The following HEATR5B variants were observed in gnomAD, a reference collection of about 807,000 sequenced individuals.
The protein encoded by HEATR5B is HEAT repeat-containing protein 5B.
In HEATR5B, 156 loss-of-function variants were observed where a neutral mutation model predicts 224.1. That is an observed-to-expected ratio of 0.70 (90% confidence interval 0.61 to 0.80). HEATR5B has a LOEUF of 0.80. Among genes scored for constraint, HEATR5B ranks in the 30% least tolerant of loss-of-function variants. The pLI is 0.00. For synonymous variants in HEATR5B, 1,027 were observed against 893.0 expected (o/e 1.15, Z -2.68); for missense variants, 2,323 against 2,535.5 (o/e 0.92, Z 1.80).
At chr2:37,083,750 A>G (rs6732075) in intron 1 of HEATR5B, among the ~76,000 whole-genome samples, 10,964 of 152,290 alleles carry the variant, frequency 0.072, 406 homozygotes, top group Non-Finnish European at 0.085. Flanking sequence ...CTATAAATGA[A>G]AAAACTGAAG....
At position 37,008,857 on chromosome 2, in the gene HEATR5B, A is replaced by G. The variant is rs753798756; in HGVS notation, c.4285-9T>C. On this transcript the variant is annotated splice_polypyrimidine_tract_variant and intron_variant, in intron 27 of 35. Transcript: ENST00000233099. ...ATAGCGACCACATATACCTAATATG[A>G]TATTTATGAGGACAAAATAGTAAGG... The G allele has an allele frequency of 2.0e-6, 3 of 1,514,660 alleles. No individual in the cohort carries two copies. Among genetic ancestry groups the G allele is most frequent in the Middle Eastern group, 1.7e-4 (1 of 5,826 alleles). 93.8% of individuals were successfully genotyped at this position (1,514,660 alleles called of 1,614,324 possible).
intron 3 of HEATR5B, among the ~76,000 whole-genome samples, chr2:37,078,317 A>G (rs1190522819): frequency 6.6e-6 from 1 of 152,340 alleles, no homozygotes; most frequent in East Asian, 1.9e-4. Context: ...GCTTTTTGAT[A>G]CCCTGTAGGC....
chr2:36,999,084 G>A (rs939136241), intron 33 of HEATR5B, among the ~76,000 whole-genome samples: 5 of 151,712 alleles, frequency 3.3e-5, no homozygotes, highest in Admixed American at 1.3e-4. Context: ...GTGGTGGTGC[G>A]TGCCTGTAAT....
At chr2:37,076,401 C>T (rs896449357) in intron 4 of HEATR5B, among the ~76,000 whole-genome samples, 1 of 151,982 alleles carries the variant, frequency 6.6e-6, no homozygotes, top group Non-Finnish European at 1.5e-5. Context: ...ACAAAGGAGA[C>T]AGAGATGGGA....
chr2:37,048,057 A>C (rs1355929142), intron 18 of HEATR5B, among the ~76,000 whole-genome samples: 2 of 152,244 alleles, frequency 1.3e-5, no homozygotes, highest in Non-Finnish European at 2.9e-5. Context: ...GGATTTGAAA[A>C]AGATAATGAA....
intron 12 of HEATR5B, 28 bp from the exon 13 acceptor site, chr2:37,059,015 T>A (rs747123749): frequency 7.2e-7 from 1 of 1,383,400 alleles, no homozygotes; most frequent in South Asian, 1.2e-5. Context: ...AAGGACAGAT[T>A]TGGAGTAGCT....
At chr2:37,004,299 T>C (rs1042061626) in intron 30 of HEATR5B, among the ~76,000 whole-genome samples, 1 of 151,554 alleles carries the variant, frequency 6.6e-6, no homozygotes, top group African/African-American at 2.4e-5. Flanking sequence ...TCTTTCCTTA[T>C]GTGCTCCTAT....
chr2:37,082,826 CTG>C (rs1233017030), intron 2 of HEATR5B, among the ~76,000 whole-genome samples: 1 of 152,076 alleles, frequency 6.6e-6, no homozygotes, highest in Non-Finnish European at 1.5e-5. Context: ...CTCTATATTT[CTG>C]TGTGTGTCTT....
At chr2:37,059,454 A>G (rs1446891934) in intron 12 of HEATR5B, among the ~76,000 whole-genome samples, 2 of 102,322 alleles carry the variant, frequency 2.0e-5, no homozygotes, top group African/African-American at 7.2e-5. Flanking sequence ...GTGTATATAT[A>G]TATATATATA....
intron 28 of HEATR5B, among the ~76,000 whole-genome samples, 158 bp from the exon 29 acceptor site, chr2:37,007,462 G>A (rs951692177): frequency 2.6e-4 from 39 of 147,180 alleles, no homozygotes; most frequent in Admixed American, 2.5e-3. Flanking sequence ...TCCTGCCTCA[G>A]CCTCCTCAGA....
At chr2:36,988,557 C>G in intron 35 of HEATR5B, 89 bp downstream of exon 35, 1 of 1,163,880 alleles carries the variant, frequency 8.6e-7, no homozygotes, top group Admixed American at 2.3e-5. Context: ...CCACTGCGCC[C>G]AGCAGGCCTG....
intron 2 of HEATR5B, among the ~76,000 whole-genome samples, chr2:37,079,583 CAA>C (rs1267262663): frequency 6.6e-6 from 1 of 152,124 alleles, no homozygotes; most frequent in Non-Finnish European, 1.5e-5. Flanking sequence ...GACTCTGATT[CAA>C]AAAGTTATGA....
intron 18 of HEATR5B, among the ~76,000 whole-genome samples, chr2:37,048,287 C>A (rs747121528): frequency 6.6e-6 from 1 of 151,570 alleles, no homozygotes; most frequent in African/African-American, 2.4e-5. Context: ...CAGGCTCAAG[C>A]GATCCTCCCA....
chr2:37,003,129 T>C (rs1667195401), intron 31 of HEATR5B, among the ~76,000 whole-genome samples: 1 of 151,350 alleles, frequency 6.6e-6, no homozygotes, highest in South Asian at 2.1e-4. Flanking sequence ...GTGGAGTGTG[T>C]CTGTAAACCC....
intron 6 of HEATR5B, 74 bp downstream of exon 6, chr2:37,072,036 C>T: frequency 8.3e-7 from 1 of 1,205,132 alleles, no homozygotes; most frequent in Admixed American, 2.5e-5. Context: ...AATTTAAATC[C>T]ATTACACTGA....
intron 33 of HEATR5B, among the ~76,000 whole-genome samples, chr2:36,996,479 C>G (rs1197987487): frequency 1.3e-5 from 2 of 149,568 alleles, no homozygotes; most frequent in Non-Finnish European, 3.0e-5. Flanking sequence ...GGCAATGGTG[C>G]GATCTCAGCT....
intron 22 of HEATR5B, among the ~76,000 whole-genome samples, chr2:37,031,519 A>G (rs1282799395): frequency 6.7e-6 from 1 of 148,374 alleles, no homozygotes. Context: ...GATCTGTCTC[A>G]GCCTTCCAAG....
intron 29 of HEATR5B, among the ~76,000 whole-genome samples, chr2:37,006,197 TA>T (rs1667403968): frequency 6.6e-6 from 1 of 152,212 alleles, no homozygotes; most frequent in African/African-American, 2.4e-5. Flanking sequence ...TTAATTTACA[TA>T]GGGGTAAAGT....
intron 34 of HEATR5B, among the ~76,000 whole-genome samples, chr2:36,989,885 TCCAAG>T (rs2148332254): frequency 7.0e-6 from 1 of 143,006 alleles, no homozygotes; most frequent in African/African-American, 2.6e-5. Context: ...AGTACTGGAA[TCCAAG>T]AATGTTTCCT....
Sources: gnomAD v4.1 joint callset for allele counts (sites outside exome capture counted in the v4.1 genomes callset) on GRCh38, gnomAD v4.1.1 for gene constraint, MANE v1.5 for transcripts, NCBI Gene and HGNC (gene_info 2026-07-23, HGNC 2026-07-21) for gene names.